Variants in SOX6 observed in about 807,000 individuals in gnomAD.
The protein encoded by SOX6 is transcription factor SOX-6.
A neutral mutation model predicts 97.8 loss-of-function variants in SOX6; 11 were observed. That is an observed-to-expected ratio of 0.11 (90% CI 0.07 to 0.19). SOX6 has a LOEUF of 0.19. Ranked by LOEUF, SOX6 falls within the 10% of genes least tolerant of loss-of-function variation. The pLI is 1.00. For synonymous variants in SOX6, 360 were observed against 371.4 expected (o/e 0.97, Z 0.35); for missense variants, 810 against 1,039.5 (o/e 0.78, Z 3.04).
intron 4 of SOX6, among the ~76,000 whole-genome samples, chr11:16,563,285 A>AT (rs1847835931): frequency 6.6e-6 from 1 of 152,144 alleles, no homozygotes; most frequent in African/African-American, 2.4e-5. Context: ...TCAATAGTAA[A>AT]TTTTTTAAAA....
intron 4 of SOX6, among the ~76,000 whole-genome samples, chr11:16,560,538 T>C (rs113087253): frequency 7.0e-5 from 6 of 85,836 alleles, no homozygotes; most frequent in African/African-American, 2.4e-4. Context: ...CATATATGTT[T>C]ATACGTACAT....
In SOX6 at chr11:16,132,262, AGAAAGAAGGAAG is replaced by A. The variant is rs1322686070; in HGVS notation, c.778-20351_778-20340del. ...AAGAAAGAAAGGAAGGAAGAAAGAA[AGAAAGAAGGAAG>A]GAAGGAAGGAAGGAAGGAAGGAAGG... On this transcript the variant is annotated intron_variant, in intron 6 of 15. Coordinates refer to ENST00000683767, the MANE Select transcript of SOX6 (RefSeq NM_001367873.1). 1.4e-3 allele frequency among the ~76,000 whole-genome samples: 158 copies of A among 113,524 alleles called. 6 individuals carry two copies. Among genetic ancestry groups the A allele is most frequent in the African/African-American group, 5.3e-3 (140 of 26,412 alleles). The allele number at this position is 113,524 out of a possible 152,430, so 74.5% of individuals were successfully genotyped here. A position where few individuals can be genotyped will look rare whatever the true frequency, so the allele number is the denominator to read the frequency against.
chr11:16,680,467 A>G (rs988531859), intron 3 of SOX6, among the ~76,000 whole-genome samples: 2 of 152,244 alleles, frequency 1.3e-5, no homozygotes, highest in Non-Finnish European at 2.9e-5. Context: ...AGCACTAAAC[A>G]TGGAAAGGAA....
At chr11:16,556,488 G>A (rs1847750425) in intron 4 of SOX6, among the ~76,000 whole-genome samples, 1 of 151,612 alleles carries the variant, frequency 6.6e-6, no homozygotes, top group Non-Finnish European at 1.5e-5. Context: ...AGATAACTGT[G>A]GCATCCTCTT....
intron 3 of SOX6, among the ~76,000 whole-genome samples, chr11:16,624,828 C>G (rs1056656782): frequency 3.9e-5 from 6 of 152,256 alleles, no homozygotes; most frequent in African/African-American, 1.2e-4. Flanking sequence ...AAAATATTAG[C>G]CATTCTAGAG....
rs530812612 is a variant in SOX6 at position 16,452,349 on chromosome 11, T to C, written c.-5+23966A>G. 9.7e-4 allele frequency among the ~76,000 whole-genome samples: 147 copies of C among 152,248 alleles called. 1 individual carries two copies. Among genetic ancestry groups the C allele is most frequent in the Non-Finnish European group, 1.6e-3 (108 of 68,010 alleles). Reference sequence around the variant, plus strand: ...CAAGAAATTAGAAAATAAACATATTTGGAAAAATTATTTTAGGTTTTCCAA... The same window carrying C: ...CAAGAAATTAGAAAATAAACATATTCGGAAAAATTATTTTAGGTTTTCCAA... On this transcript the variant is annotated intron_variant, in intron 1 of 15. Transcript: ENST00000396356.
intron 3 of SOX6, among the ~76,000 whole-genome samples, chr11:16,713,511 T>G (rs147791104): frequency 0.011 from 1,694 of 152,178 alleles, 28 homozygotes; most frequent in African/African-American, 0.035. Context: ...AATAAAAAAT[T>G]TAAAAAGGAG....
chr11:16,426,416 G>A (rs1034159763), intron 1 of SOX6, among the ~76,000 whole-genome samples: 18 of 151,710 alleles, frequency 1.2e-4, no homozygotes, highest in African/African-American at 4.4e-4. Context: ...ATACTACAGG[G>A]CTACGGTAAC....
Position 16,569,868 on chromosome 11 carries a change from C to CAAAAAAAAAAAAAAAAAA in SOX6, n.609+42212_609+42213insTTTTTTTTTTTTTTTTTT, listed in dbSNP as rs34604334. ...TGGGTGACTGATCAAGACTCCGTCT[C>CAAAAAAAAAAAAAAAAAA]AAAAAAAAAAAAAAAAAGATATACT... On this transcript the variant is annotated intron_variant and non_coding_transcript_variant, in intron 4 of 5. Transcript: ENST00000524520. Among the ~76,000 whole-genome samples, 500 of 84,666 alleles carry CAAAAAAAAAAAAAAAAAA rather than the reference C, an allele frequency of 5.9e-3. 54 individuals are homozygous for CAAAAAAAAAAAAAAAAAA. The highest frequency in any genetic ancestry group is 0.029 in the African/African-American group (459 of 15,992). The allele number at this position is 84,666 out of a possible 152,430, so 55.5% of individuals were successfully genotyped here.
At chr11:16,655,415 G>A (rs1847707875) in intron 3 of SOX6, among the ~76,000 whole-genome samples, 1 of 152,044 alleles carries the variant, frequency 6.6e-6, no homozygotes, top group South Asian at 2.1e-4. Flanking sequence ...CATGGCTTAA[G>A]GAAAAAGAGG....
At chr11:16,536,678 C>T (rs1206142717) in intron 4 of SOX6, among the ~76,000 whole-genome samples, 1 of 152,188 alleles carries the variant, frequency 6.6e-6, no homozygotes, top group African/African-American at 2.4e-5. Flanking sequence ...GGGTCCCATG[C>T]CCATGAAGCC....
chr11:16,628,635 A>T (rs1161459888), intron 3 of SOX6, among the ~76,000 whole-genome samples: 3 of 151,642 alleles, frequency 2.0e-5, no homozygotes. Flanking sequence ...AAAAAAAAAA[A>T]GAAAGAAAAG....
chr11:16,292,475 C>T (rs950733883), intron 3 of SOX6, among the ~76,000 whole-genome samples: 1 of 151,996 alleles, frequency 6.6e-6, no homozygotes, highest in Non-Finnish European at 1.5e-5. Flanking sequence ...GTTCTCTTAA[C>T]CCCTAGGTCC....
At position 16,132,390 on chromosome 11, in the gene SOX6, GAAAGAAAGAAA is replaced by G. The variant is rs1564972222; in HGVS notation, c.778-20478_778-20468del. 3.4e-4 allele frequency among the ~76,000 whole-genome samples: 24 copies of G among 71,096 alleles called. 2 individuals are homozygous for G. Among genetic ancestry groups the G allele is most frequent in the African/African-American group, 6.4e-4 (10 of 15,724 alleles). The allele number at this position is 71,096 out of a possible 152,430, so 46.6% of individuals were successfully genotyped here. A position where few individuals can be genotyped will look rare whatever the true frequency, so the allele number is the denominator to read the frequency against. On this transcript the variant is annotated intron_variant, in intron 6 of 15. Coordinates refer to ENST00000683767, the MANE Select transcript of SOX6 (RefSeq NM_001367873.1). Reference sequence around the variant, plus strand: ...AGAAAGAAAGAAAGAAAGAAAGAAAGAAAGAAAGAAAAAAGAAAGAAAGAAAGAAAGAAAGA... The same window carrying G: ...AGAAAGAAAGAAAGAAAGAAAGAAAGAAAGAAAGAAAGAAAGAAAGAAAGA...
chr11:16,679,081 T>C (rs1847906490), intron 3 of SOX6, among the ~76,000 whole-genome samples: 1 of 152,222 alleles, frequency 6.6e-6, no homozygotes, highest in Non-Finnish European at 1.5e-5. Flanking sequence ...TAAATGTCCC[T>C]GTATGACAGC....
chr11:16,477,280 C>A (rs1255801546), upstream of SOX6, among the ~76,000 whole-genome samples: 1 of 152,106 alleles, frequency 6.6e-6, no homozygotes, highest in Admixed American at 6.6e-5. Flanking sequence ...ATTCAATCTG[C>A]AGTTTTTAAA....
At chr11:16,484,315 C>T in intron 4 of SOX6, 1 of 1,014,426 alleles carries the variant, frequency 9.9e-7, no homozygotes. Flanking sequence ...AAAATTCCCT[C>T]CCAGGCTTAA....
In SOX6 at chr11:15,989,075, C is replaced by T. The variant is rs1278029462; in HGVS notation, c.1888G>A (p.Val630Ile). 2 of 1,614,206 alleles carry T rather than the reference C, an allele frequency of 1.2e-6. No individual in the cohort carries two copies. Among genetic ancestry groups the T allele is most frequent in the South Asian group, 2.2e-5 (2 of 91,084 alleles). The change falls in exon 14 of 16, where the codon GTT becomes ATT. Residue 630 changes from valine to isoleucine, a missense_variant. Physicochemically the swap from Val to Ile is conservative, Grantham distance 29 (BLOSUM62 3). Around this residue, in one of 9 missense-constraint regions of SOX6, gnomAD observed 51 missense variants for 145.7 expected, o/e 0.35. Transcript: ENST00000683767. Reference sequence around the variant, plus strand: ...TTTCTCCTCTCATCCTTTGCCCAAACCATGAATGCATTCATTGGTCGCTTA... The same window carrying T: ...TTTCTCCTCTCATCCTTTGCCCAAATCATGAATGCATTCATTGGTCGCTTA... ...HIKRPMNAFM[V>I]WAKDERRKIL... is the part of the protein sequence containing the mutation.
chr11:16,330,750 G>A lies in SOX6; in HGVS notation c.237+10262C>T, dbSNP rs147517459. Among the ~76,000 whole-genome samples the A allele has an allele frequency of 8.9e-3, 1,354 of 152,218 alleles. 10 individuals carry two copies. The highest frequency in any genetic ancestry group is 0.027 in the Middle Eastern group (8 of 292). ...CCTTGAAACCAAGAAAGTTAGAAGT[G>A]CCAAGAGGCTTAGTCATTGTAGTTC... is the stretch of plus-strand genomic sequence containing the variant. On this transcript the variant is annotated intron_variant, in intron 2 of 15. Transcript: ENST00000683767.
Sources: allele counts gnomAD v4.1 joint callset (sites outside exome capture counted in the v4.1 genomes callset), GRCh38; gene constraint gnomAD v4.1.1; regional missense constraint gnomAD v4.1.1; transcripts MANE v1.5; gene names NCBI Gene and HGNC (gene_info 2026-07-23, HGNC 2026-07-21).